Variants in DACH2 observed in about 807,000 individuals in gnomAD.
DACH2 encodes the protein dachshund family transcription factor 2, also known as dachshund homolog 2.
In DACH2, 17 loss-of-function variants were observed where a neutral mutation model predicts 35.8. The observed-to-expected ratio is 0.48, with a 90% CI of 0.33 to 0.71. The LOEUF (loss-of-function observed/expected upper bound fraction) is 0.71. Among genes scored for constraint, DACH2 ranks in the 30% least tolerant of loss-of-function variants. The pLI is 0.02. For missense variants in DACH2, 469 were observed against 472.7 expected, an observed-to-expected ratio of 0.99 and a Z score of 0.07; for synonymous variants, 195 against 177.3, an observed-to-expected ratio of 1.10 and a Z score of -0.79.
chrX:86,647,235 G>C (rs2040426203), intron 3 of DACH2, among the ~76,000 whole-genome samples: 2 of 110,234 alleles, frequency 1.8e-5, no homozygotes, highest in Non-Finnish European at 1.9e-5. Flanking sequence ...GTTCATTGCT[G>C]CTTTATTAAC....
At chrX:86,227,358 G>A (rs746982378) in intron 1 of DACH2, among the ~76,000 whole-genome samples, 23 of 111,551 alleles carry the variant, frequency 2.1e-4, no homozygotes, top group Non-Finnish European at 4.0e-4. Flanking sequence ...CCTTTGGTAT[G>A]TTTACTCAAT....
chrX:86,779,496 A>AGAT (rs2042069349), intron 7 of DACH2, among the ~76,000 whole-genome samples: 1 of 111,843 alleles, frequency 8.9e-6, no homozygotes, highest in Non-Finnish European at 1.9e-5. Flanking sequence ...AAGCCTCTGG[A>AGAT]GATGGAAAGC....
intron 7 of DACH2, among the ~76,000 whole-genome samples, chrX:86,802,114 T>C (rs976672644): frequency 1.4e-4 from 16 of 111,933 alleles, no homozygotes; most frequent in Admixed American, 3.8e-4. Flanking sequence ...GGAAGCAATA[T>C]TAAAATCTTG....
intron 1 of DACH2, among the ~76,000 whole-genome samples, chrX:86,359,551 C>A (rs968991958): frequency 1.3e-4 from 14 of 111,334 alleles, no homozygotes; most frequent in African/African-American, 4.6e-4. Context: ...AATTGGAGAC[C>A]AGCCTGGTCA....
intron 2 of DACH2, among the ~76,000 whole-genome samples, chrX:86,437,346 A>G (rs781308096): frequency 1.3e-4 from 14 of 111,432 alleles, no homozygotes; most frequent in African/African-American, 4.6e-4. Flanking sequence ...CATTGTTGCT[A>G]ACTATGGTCA....
chrX:86,189,165 T>G lies in DACH2; in HGVS notation c.488+40057T>G, dbSNP rs242873. ...GTCTTGAGCAGATTAAGGACCAAGG[T>G]AGCTAAATTGTATGCAAAGCACTAT... On this transcript the variant is annotated intron_variant, in intron 1 of 11. Coordinates refer to ENST00000373125, the MANE Select transcript of DACH2 (RefSeq NM_053281.3). Among the ~76,000 whole-genome samples the G allele has an allele frequency of 9.9e-3, 1,107 of 112,188 alleles. 10 individuals carry two copies. Among genetic ancestry groups the G allele is most frequent in the African/African-American group, 0.033 (1,015 of 30,908 alleles).
intron 3 of DACH2, among the ~76,000 whole-genome samples, chrX:86,596,323 G>A (rs757648163): frequency 9.0e-6 from 1 of 111,380 alleles, no homozygotes; most frequent in Non-Finnish European, 1.9e-5. Flanking sequence ...CACAGTAATT[G>A]CATCATTGTA....
intron 3 of DACH2, among the ~76,000 whole-genome samples, chrX:86,557,511 G>C (rs2039150046): frequency 1.1e-5 from 1 of 89,997 alleles, no homozygotes; most frequent in African/African-American, 4.0e-5. Context: ...GGATGGCATT[G>C]AATCTGTAAA....
intron 3 of DACH2, among the ~76,000 whole-genome samples, chrX:86,567,818 G>A (rs971135725): frequency 2.7e-5 from 3 of 111,353 alleles, no homozygotes; most frequent in Non-Finnish European, 5.7e-5. Context: ...TCACAAATGA[G>A]CTGAAAACTT....
intron 1 of DACH2, among the ~76,000 whole-genome samples, chrX:86,376,238 G>GA (rs2035966051): frequency 1.8e-5 from 2 of 108,212 alleles, no homozygotes; most frequent in South Asian, 7.9e-4. Flanking sequence ...GTATGCTCCA[G>GA]AAAAATGTAT....
At position 86,321,463 on chromosome X, in the gene DACH2, G is replaced by T. The variant is rs764503760; in HGVS notation, c.489-55361G>T. Among the ~76,000 whole-genome samples the T allele has an allele frequency of 2.7e-5, 3 of 111,724 alleles. No homozygotes were observed. In the South Asian group the frequency reaches 1.1e-3, roughly 42 times the overall value. ...TTCATCTGGTTTCTGGTTCAACAAGGACAGTTTAGAATAATTAAGAGGTTT... is the reference window on the plus strand; with the variant it reads ...TTCATCTGGTTTCTGGTTCAACAAGTACAGTTTAGAATAATTAAGAGGTTT... On this transcript the variant is annotated intron_variant, in intron 1 of 11. Coordinates refer to ENST00000373125, the MANE Select transcript of DACH2 (RefSeq NM_053281.3).
chrX:86,487,346 A>G (rs755979027), intron 2 of DACH2, among the ~76,000 whole-genome samples: 152 of 111,668 alleles, frequency 1.4e-3, no homozygotes, highest in African/African-American at 4.6e-3. Flanking sequence ...ATTTTCTGTA[A>G]TGTAAGTCAA....
At chrX:86,800,892 A>G (rs777759318) in intron 7 of DACH2, among the ~76,000 whole-genome samples, 3 of 107,676 alleles carry the variant, frequency 2.8e-5, no homozygotes, top group Non-Finnish European at 5.8e-5. Flanking sequence ...CTGGTCTTGA[A>G]CTCCTGACCT....
chrX:86,684,525 A>G (rs1258297199), intron 4 of DACH2, among the ~76,000 whole-genome samples: 3 of 111,135 alleles, frequency 2.7e-5, no homozygotes, highest in African/African-American at 9.8e-5. Context: ...TTATGTAGGT[A>G]TATATACTTA....
At chrX:86,673,900 G>T (rs973066319) in intron 4 of DACH2, among the ~76,000 whole-genome samples, 27 of 111,890 alleles carry the variant, frequency 2.4e-4, no homozygotes, top group African/African-American at 8.1e-4. Context: ...TGTAGGACAT[G>T]CCTGCTTCCC....
intron 3 of DACH2, among the ~76,000 whole-genome samples, chrX:86,521,185 C>A (rs184505336): frequency 1.8e-5 from 2 of 111,765 alleles, no homozygotes; most frequent in Admixed American, 9.5e-5. Context: ...ATATGAAATT[C>A]TTCGTTGAAG....
chrX:86,438,885 A>G (rs1323564976), intron 2 of DACH2, among the ~76,000 whole-genome samples: 1 of 112,167 alleles, frequency 8.9e-6, no homozygotes, highest in Non-Finnish European at 1.9e-5. Context: ...CTTTTTAGTA[A>G]TAGCCAGTCT....
intron 2 of DACH2, among the ~76,000 whole-genome samples, chrX:86,400,664 G>T (rs1284872032): frequency 9.0e-6 from 1 of 111,691 alleles, no homozygotes; most frequent in Non-Finnish European, 1.9e-5. Context: ...TGTTTGCCTG[G>T]GTATCAGCAG....
chrX:86,413,024 T>C (rs2036640681), intron 2 of DACH2, among the ~76,000 whole-genome samples: 1 of 111,544 alleles, frequency 9.0e-6, no homozygotes, highest in Non-Finnish European at 1.9e-5. Flanking sequence ...AATGCATCAC[T>C]TACCCTTCAC....
Sources: gnomAD v4.1 joint callset for allele counts (sites outside exome capture counted in the v4.1 genomes callset) on GRCh38, gnomAD v4.1.1 for gene constraint, MANE v1.5 for transcripts, NCBI Gene and HGNC (gene_info 2026-07-23, HGNC 2026-07-21) for gene names.